CAPZA2: variants seen among roughly 807,000 people sequenced by gnomAD.
CAPZA2 encodes F-actin-capping protein subunit alpha-2.
Under a neutral mutation model 44.0 loss-of-function variants are expected in CAPZA2, and 13 were observed. That is an observed-to-expected ratio of 0.30 (90% CI 0.19 to 0.47). The LOEUF (loss-of-function observed/expected upper bound fraction) is 0.47, where lower values mean the gene tolerates loss of function less well. CAPZA2 is among the 20% of genes least tolerant of loss of function. CAPZA2 has a pLI of 1.00. For missense variants in CAPZA2, 244 were observed against 338.6 expected (o/e 0.72, Z 2.19); for synonymous variants, 94 against 108.2 (o/e 0.87, Z 0.81).
intron 5 of CAPZA2, among the ~76,000 whole-genome samples, chr7:116,905,490 A>T (rs749234041): frequency 2.3e-4 from 35 of 152,196 alleles, no homozygotes; most frequent in Non-Finnish European, 4.7e-4. Context: ...AATTATTAAT[A>T]TCACCAGTAG....
chr7:116,885,348 C>T (rs1343156739), intron 1 of CAPZA2, among the ~76,000 whole-genome samples: 2 of 151,576 alleles, frequency 1.3e-5, no homozygotes, highest in East Asian at 1.9e-4. Context: ...TGTATTCTCC[C>T]ACTCAGCACA....
At position 116,893,172 on chromosome 7, in the gene CAPZA2, C is replaced by T; in HGVS notation, c.155+127C>T. The T allele has an allele frequency of 1.5e-5, 8 of 517,876 alleles. No individual in the cohort carries two copies. The South Asian group carries it at 2.5e-4, about 16-fold the overall frequency. 32.1% of individuals were successfully genotyped at this position (517,876 alleles called of 1,614,324 possible). A position where few individuals can be genotyped will look rare whatever the true frequency, so the allele number is the denominator to read the frequency against. On this transcript the variant is annotated intron_variant, in intron 3 of 9. Transcript: ENST00000361183. ...TTGAGATGGAGTCTCACTCTGTCGT[C>T]CAGGCTGGAGTTCAGTGGTGCGATC...
At chr7:116,897,559 C>T (rs1289219561) in intron 3 of CAPZA2, among the ~76,000 whole-genome samples, 1 of 152,132 alleles carries the variant, frequency 6.6e-6, no homozygotes, top group Non-Finnish European at 1.5e-5. Flanking sequence ...GACGCCTGGC[C>T]ATCCCGAATA....
chr7:116,904,137 G>A (rs1797029268), intron 4 of CAPZA2, 40 bp from the exon 5 acceptor site: 1 of 1,315,554 alleles, frequency 7.6e-7, no homozygotes, highest in Admixed American at 1.9e-5. Flanking sequence ...TTGAAATGCT[G>A]TTTTTTTATT....
chr7:116,883,703 A>G (rs1463246015), intron 1 of CAPZA2, among the ~76,000 whole-genome samples: 2 of 152,222 alleles, frequency 1.3e-5, no homozygotes, highest in African/African-American at 4.8e-5. Flanking sequence ...AAATAAGTTC[A>G]TAGGATAAAA....
chr7:116,878,985 G>A (rs1796654599), intron 1 of CAPZA2, among the ~76,000 whole-genome samples: 3 of 151,766 alleles, frequency 2.0e-5, no homozygotes, highest in Admixed American at 6.6e-5. Flanking sequence ...AATTAGCCGG[G>A]CATGGTGGCA....
At position 116,904,389 on chromosome 7, in the gene CAPZA2, T is replaced by A; in HGVS notation, c.426+6T>A. ...ACCCGAATGGAGTCTGCACTGTAAG[T>A]CATCAGTAGCAGCTTTGTGTGTGTG... On this transcript the variant is annotated splice_donor_region_variant and intron_variant, in intron 5 of 9. Coordinates refer to ENST00000361183, the MANE Select transcript of CAPZA2 (RefSeq NM_006136.3). The A allele has an allele frequency of 6.4e-7, 1 of 1,574,788 alleles. No homozygotes were observed. The highest frequency in any genetic ancestry group is 8.7e-7 in the Non-Finnish European group (1 of 1,144,274).
chr7:116,870,298 C>G (rs1218836741), intron 1 of CAPZA2, among the ~76,000 whole-genome samples: 1 of 152,072 alleles, frequency 6.6e-6, no homozygotes, highest in East Asian at 1.9e-4. Flanking sequence ...TGGTAAACAT[C>G]AGTTGGGGTC....
rs548960545 is a variant in CAPZA2, at chr7:116,905,479, TA to T, written c.427-782del. ...CTAGTTTATACCTGCTTTCTCAATG[TA>T]ATTATTAATATCACCAGTAGCGTAC... is the stretch of plus-strand genomic sequence containing the variant. On this transcript the variant is annotated intron_variant, in intron 5 of 9. Coordinates refer to ENST00000361183, the MANE Select transcript of CAPZA2 (RefSeq NM_006136.3). 1.3e-3 allele frequency among the ~76,000 whole-genome samples: 194 copies of T among 152,310 alleles called. 1 individual carries two copies. The highest frequency in any genetic ancestry group is 3.0e-3 in the Admixed American group (46 of 15,310).
At chr7:116,885,752 G>T (rs1001264743) in intron 1 of CAPZA2, among the ~76,000 whole-genome samples, 1 of 152,080 alleles carries the variant, frequency 6.6e-6, no homozygotes, top group Non-Finnish European at 1.5e-5. Context: ...TGGAGGAGGG[G>T]ATCAGAGCCT....
chr7:116,862,609 A>G lies in CAPZA2; in HGVS notation c.-3A>G. 1 of 1,538,836 alleles carries G rather than the reference A, an allele frequency of 6.5e-7. No homozygotes were observed. Among genetic ancestry groups the G allele is most frequent in the South Asian group, 1.2e-5 (1 of 83,374 alleles). ...GCCGCCGCGGTTTGTCGCCAGAAGG[A>G]AGATGGCGGATCTGGAGGAGCAGTT... is the stretch of plus-strand genomic sequence containing the variant. On this transcript the variant is annotated 5_prime_UTR_variant, in exon 1 of 10. Transcript: ENST00000361183.
rs763007525 is a variant in CAPZA2, at chr7:116,862,590, G to T, written c.-22G>T. ...GGTGGCCGCTGCCGCCGCCGCCGCC[G>T]CGGTTTGTCGCCAGAAGGAAGATGG... On this transcript the variant is annotated 5_prime_UTR_variant, in exon 1 of 10. Transcript: ENST00000361183. 4 of 1,535,852 alleles carry T rather than the reference G, an allele frequency of 2.6e-6. No homozygotes were observed. Among genetic ancestry groups the T allele is most frequent in the African/African-American group, 2.8e-5 (2 of 70,796 alleles).
chr7:116,890,563 T>C (rs867641005), intron 2 of CAPZA2, among the ~76,000 whole-genome samples: 1 of 12,534 alleles, frequency 8.0e-5, no homozygotes, highest in African/African-American at 3.2e-4. Flanking sequence ...TATATATATA[T>C]ATATACACAT....
chr7:116,875,736 G>A (rs1441142169), intron 1 of CAPZA2: 1 of 146,548 alleles, frequency 6.8e-6, no homozygotes, highest in African/African-American at 2.5e-5. Flanking sequence ...TAAATTTTTT[G>A]TAGATACAGG....
At chr7:116,876,540 C>T (rs565132051) in intron 1 of CAPZA2, among the ~76,000 whole-genome samples, 1 of 152,302 alleles carries the variant, frequency 6.6e-6, no homozygotes, top group South Asian at 2.1e-4. Flanking sequence ...AATGTTTAGA[C>T]TATATTTGCT....
At chr7:116,898,858 T>C in intron 4 of CAPZA2, 23 bp downstream of exon 4, 1 of 1,411,552 alleles carries the variant, frequency 7.1e-7, no homozygotes. Flanking sequence ...TAAACACTAT[T>C]CTTTGTTTTG....
intron 2 of CAPZA2, among the ~76,000 whole-genome samples, chr7:116,890,710 G>A (rs574216432): frequency 3.2e-4 from 42 of 132,148 alleles, no homozygotes; most frequent in East Asian, 1.5e-3. Flanking sequence ...CCCAGGAGGC[G>A]GAGGTTACAT....
At chr7:116,866,071 A>G (rs535992439) in intron 1 of CAPZA2, among the ~76,000 whole-genome samples, 114 of 152,324 alleles carry the variant, frequency 7.5e-4, no homozygotes, top group Non-Finnish European at 1.3e-3. Flanking sequence ...GGATACTACT[A>G]TGAAGTTTAA....
intron 1 of CAPZA2, among the ~76,000 whole-genome samples, chr7:116,885,257 TTTG>T (rs200273655): frequency 3.9e-5 from 6 of 152,196 alleles, no homozygotes; most frequent in Admixed American, 1.3e-4. Context: ...TAGTTTTTTT[TTTG>T]TTGTTGTTGT....
Sources: allele counts gnomAD v4.1 joint callset (sites outside exome capture counted in the v4.1 genomes callset), GRCh38; gene constraint gnomAD v4.1.1; transcripts MANE v1.5; gene names NCBI Gene and HGNC (gene_info 2026-07-23, HGNC 2026-07-21).